The following PPM1E variants were observed in gnomAD, a reference collection of about 807,000 sequenced individuals.
PPM1E encodes protein phosphatase 1E.
In PPM1E, 20 loss-of-function variants were observed where a neutral mutation model predicts 65.9. That is an observed-to-expected ratio of 0.30 (90% CI 0.21 to 0.44). The LOEUF is 0.44. Ranked by LOEUF, PPM1E falls within the 20% of genes least tolerant of loss-of-function variation. The pLI, the probability that PPM1E is intolerant of heterozygous loss-of-function variation, is 1.00. For missense variants in PPM1E, 713 were observed against 953.1 expected, an observed-to-expected ratio of 0.75 and a Z score of 3.32; for synonymous variants, 352 against 374.9, an observed-to-expected ratio of 0.94 and a Z score of 0.70.
intron 1 of PPM1E, among the ~76,000 whole-genome samples, chr17:58,819,696 G>T (rs907948008): frequency 3.3e-5 from 5 of 151,954 alleles, no homozygotes; most frequent in African/African-American, 9.7e-5. Flanking sequence ...CTTCTGGCGT[G>T]GTGCAAGTAA....
At chr17:58,970,678 C>T (rs2030547650) in intron 4 of PPM1E, among the ~76,000 whole-genome samples, 1 of 152,154 alleles carries the variant, frequency 6.6e-6, no homozygotes, top group Non-Finnish European at 1.5e-5. Flanking sequence ...CTCCCCTCCC[C>T]TAAGTTTGGA....
At chr17:58,904,234 A>G (rs2051529486) in intron 1 of PPM1E, among the ~76,000 whole-genome samples, 1 of 152,204 alleles carries the variant, frequency 6.6e-6, no homozygotes, top group African/African-American at 2.4e-5. Flanking sequence ...CAGGGTTGGC[A>G]TGTACTATCA....
chr17:58,757,635 A>G (rs1355989225), intron 1 of PPM1E, among the ~76,000 whole-genome samples: 1 of 152,240 alleles, frequency 6.6e-6, no homozygotes, highest in African/African-American at 2.4e-5. Context: ...AAGGGCCTGG[A>G]AAGTAAACCT....
intron 1 of PPM1E, among the ~76,000 whole-genome samples, chr17:58,821,395 C>G (rs2050478866): frequency 6.6e-6 from 1 of 152,186 alleles, no homozygotes; most frequent in South Asian, 2.1e-4. Flanking sequence ...CAGGCGTGAG[C>G]CACCGCGCCC....
chr17:58,895,900 T>C (rs1047853119), intron 1 of PPM1E, among the ~76,000 whole-genome samples: 2 of 145,034 alleles, frequency 1.4e-5, no homozygotes, highest in Non-Finnish European at 3.0e-5. Flanking sequence ...GGTCAGGAGA[T>C]CGAGACCATC....
intron 1 of PPM1E, among the ~76,000 whole-genome samples, chr17:58,801,843 G>A (rs533163433): frequency 2.0e-5 from 3 of 151,842 alleles, no homozygotes; most frequent in South Asian, 2.1e-4. Flanking sequence ...TGCATTTTCC[G>A]CCTTCTGGGT....
At chr17:58,943,408 C>T (rs984413177) in intron 1 of PPM1E, among the ~76,000 whole-genome samples, 1 of 152,156 alleles carries the variant, frequency 6.6e-6, no homozygotes, top group African/African-American at 2.4e-5. Context: ...GTTCTTTCTA[C>T]CTACGCATGT....
intron 1 of PPM1E, among the ~76,000 whole-genome samples, chr17:58,907,721 C>G (rs1347650780): frequency 6.6e-6 from 1 of 152,170 alleles, no homozygotes; most frequent in Non-Finnish European, 1.5e-5. Context: ...GGGGAATTGA[C>G]TCCTTTATCA....
intron 1 of PPM1E, among the ~76,000 whole-genome samples, chr17:58,890,732 G>A (rs2051334932): frequency 6.6e-6 from 1 of 151,908 alleles, no homozygotes; most frequent in Non-Finnish European, 1.5e-5. Context: ...TCACTATTCA[G>A]CTCCCAGCTT....
intron 1 of PPM1E, among the ~76,000 whole-genome samples, chr17:58,838,950 A>G (rs981093005): frequency 6.6e-6 from 1 of 152,226 alleles, no homozygotes; most frequent in African/African-American, 2.4e-5. Context: ...AATTCCAATT[A>G]TATAACATTC....
At chr17:58,900,791 T>C (rs1244468224) in intron 1 of PPM1E, among the ~76,000 whole-genome samples, 1 of 152,182 alleles carries the variant, frequency 6.6e-6, no homozygotes, top group East Asian at 1.9e-4. Context: ...GTTAATGTTT[T>C]CTTATGCATA....
chr17:58,800,217 A>G (rs955297562), intron 1 of PPM1E, among the ~76,000 whole-genome samples: 1 of 152,172 alleles, frequency 6.6e-6, no homozygotes, highest in East Asian at 1.9e-4. Flanking sequence ...TGGTCATTAC[A>G]TTAATTGTTT....
intron 1 of PPM1E, among the ~76,000 whole-genome samples, chr17:58,804,295 C>A (rs190275840): frequency 1.3e-5 from 2 of 152,260 alleles, no homozygotes; most frequent in Admixed American, 1.3e-4. Flanking sequence ...GTTTTGAAAA[C>A]TTTTTAATGT....
chr17:58,880,170 T>C (rs2051178503), intron 1 of PPM1E, among the ~76,000 whole-genome samples: 1 of 152,174 alleles, frequency 6.6e-6, no homozygotes, highest in Non-Finnish European at 1.5e-5. Context: ...TGGTCTCAAC[T>C]TCATCCTTGA....
intron 1 of PPM1E, among the ~76,000 whole-genome samples, chr17:58,848,654 G>A (rs1392617579): frequency 6.6e-6 from 1 of 152,172 alleles, no homozygotes; most frequent in Non-Finnish European, 1.5e-5. Flanking sequence ...GCTTTTTGAT[G>A]TGCTGCTGGA....
At chr17:58,922,669 A>G (rs954845255) in intron 1 of PPM1E, among the ~76,000 whole-genome samples, 50 of 150,518 alleles carry the variant, frequency 3.3e-4, no homozygotes, top group Middle Eastern at 3.4e-3. Context: ...ACATCTTTAA[A>G]TATATGTCTT....
chr17:58,787,127 A>G (rs1183233324), intron 1 of PPM1E, among the ~76,000 whole-genome samples: 7 of 152,152 alleles, frequency 4.6e-5, no homozygotes, highest in African/African-American at 1.4e-4. Context: ...TTTAGTTCTT[A>G]CTCAAATTCT....
intron 1 of PPM1E, among the ~76,000 whole-genome samples, chr17:58,859,324 A>T (rs1033225710): frequency 6.6e-6 from 1 of 152,190 alleles, no homozygotes; most frequent in African/African-American, 2.4e-5. Context: ...ATGCTACATG[A>T]CTCAGGCCAC....
intron 1 of PPM1E, among the ~76,000 whole-genome samples, chr17:58,911,009 G>C (rs1465671505): frequency 6.6e-6 from 1 of 152,156 alleles, no homozygotes; most frequent in East Asian, 1.9e-4. Context: ...TCACAAAAGT[G>C]TGGGGAGCCC....
Sources: gnomAD v4.1 joint callset for allele counts (sites outside exome capture counted in the v4.1 genomes callset) on GRCh38, gnomAD v4.1.1 for gene constraint, MANE v1.5 for transcripts, NCBI Gene and HGNC (gene_info 2026-07-23, HGNC 2026-07-21) for gene names.